Variants in PCDHGA2 observed in about 807,000 individuals in gnomAD.
The protein encoded by PCDHGA2 is protocadherin gamma subfamily A, 2.
In PCDHGA2, 40 loss-of-function variants were observed where a neutral mutation model predicts 59.2. The observed-to-expected ratio is 0.68, with a 90% confidence interval of 0.52 to 0.88. The LOEUF is 0.88. Among genes scored for constraint, PCDHGA2 ranks in the 40% least tolerant of loss-of-function variants. The pLI is 0.00. For missense variants in PCDHGA2, 1,226 were observed against 1,204.0 expected, an observed-to-expected ratio of 1.02 and a Z score of -0.27; for synonymous variants, 560 against 526.0, an observed-to-expected ratio of 1.06 and a Z score of -0.89.
chr5:141,423,374 G>T (rs1356564295), intron 1 of PCDHGA2: 2 of 1,614,188 alleles, frequency 1.2e-6, no homozygotes, highest in Admixed American at 1.7e-5. Context: ...CTGGCACTCA[G>T]GCTGTGGCGC....
intron 1 of PCDHGA2, chr5:141,394,727 C>G (rs971156422): frequency 8.7e-6 from 14 of 1,613,436 alleles, no homozygotes; most frequent in Middle Eastern, 1.6e-4. Flanking sequence ...GAGATGCGCT[C>G]AAGCAGAGCC....
chr5:141,381,114 C>T (rs1776995401), intron 1 of PCDHGA2, among the ~76,000 whole-genome samples: 1 of 152,152 alleles, frequency 6.6e-6, no homozygotes, highest in Non-Finnish European at 1.5e-5. Context: ...CAAAGTGTTC[C>T]CTGTATTCTG....
At chr5:141,499,189 C>T (rs1406015145) in intron 2 of PCDHGA2, among the ~76,000 whole-genome samples, 3 of 152,088 alleles carry the variant, frequency 2.0e-5, no homozygotes, top group African/African-American at 7.2e-5. Flanking sequence ...AAACCATTTC[C>T]CCCTTCTTAG....
intron 1 of PCDHGA2, chr5:141,398,283 G>A (rs1470207042): frequency 7.2e-7 from 1 of 1,396,846 alleles, no homozygotes; most frequent in East Asian, 2.5e-5. Context: ...ACCTCGCCAC[G>A]GACCTGGGGT....
intron 2 of PCDHGA2, among the ~76,000 whole-genome samples, chr5:141,497,016 C>G (rs1384415729): frequency 6.6e-6 from 1 of 152,056 alleles, no homozygotes; most frequent in East Asian, 1.9e-4. Context: ...TGGTGAAACC[C>G]CATCTCGATT....
chr5:141,399,488 TAGTC>T (rs778579612), intron 1 of PCDHGA2: 12 of 1,613,904 alleles, frequency 7.4e-6, no homozygotes, highest in Admixed American at 1.7e-5. Flanking sequence ...GCGTCCTACT[TAGTC>T]AGTGTACCCG....
chr5:141,361,157 A>C, intron 1 of PCDHGA2: 1 of 1,613,974 alleles, frequency 6.2e-7, no homozygotes, highest in African/African-American at 1.3e-5. Context: ...CTTGATGACA[A>C]CGATTGTGCA....
At chr5:141,394,158 C>T in intron 1 of PCDHGA2, 1 of 1,613,844 alleles carries the variant, frequency 6.2e-7, no homozygotes, top group East Asian at 2.2e-5. Flanking sequence ...TAACGACAAC[C>T]CTCCTACTTT....
chr5:141,345,719 C>T, intron 1 of PCDHGA2: 1 of 1,614,258 alleles, frequency 6.2e-7, no homozygotes, highest in South Asian at 1.1e-5. Flanking sequence ...CGCCCGAGAT[C>T]CTGTACCCCG....
At chr5:141,366,561 A>T in intron 1 of PCDHGA2, 1 of 1,614,210 alleles carries the variant, frequency 6.2e-7, no homozygotes, top group South Asian at 1.1e-5. Context: ...GTGGGCGTGG[A>T]TGGGGTTCGG....
intron 1 of PCDHGA2, chr5:141,400,383 T>C (rs1267422491): frequency 6.2e-7 from 1 of 1,614,088 alleles, no homozygotes. Flanking sequence ...ACCTATGTGT[T>C]GCACATACAG....
chr5:141,477,878 C>T lies in PCDHGA2; in HGVS notation c.2425-16929C>T. On this transcript the variant is annotated intron_variant, in intron 1 of 3. Coordinates refer to ENST00000394576, the MANE Select transcript of PCDHGA2 (RefSeq NM_018915.4). The surrounding 1 kb of genome is among the most constrained non-coding windows in gnomAD (Gnocchi z 4.9). ...GCTGCCTCGAGGTACCTCAGCTGGC[C>T]ACCTAGTGTCACGGGTGGTAGGCTG... 2.5e-6 allele frequency: 4 copies of T among 1,614,158 alleles called. No individual in the cohort carries two copies. Among genetic ancestry groups the T allele is most frequent in the Non-Finnish European group, 3.4e-6 (4 of 1,180,008 alleles).
At chr5:141,405,448 C>G in intron 1 of PCDHGA2, 1 of 1,314,742 alleles carries the variant, frequency 7.6e-7, no homozygotes, top group Non-Finnish European at 1.1e-6. Context: ...GAGACAGAGT[C>G]TTACTCTGTT....
In PCDHGA2 at chr5:141,477,070, T is replaced by A; in HGVS notation, c.2425-17737T>A. 6.2e-7 allele frequency: 1 copy of A among 1,613,342 alleles called. No individual in the cohort carries two copies. The highest frequency in any genetic ancestry group is 8.5e-7 in the Non-Finnish European group (1 of 1,179,244). ...TGGACTTCGAGGACACCAAACTCCATGAGATTTACATCCAGGCCAAAGACA... is the reference window on the plus strand; with the variant it reads ...TGGACTTCGAGGACACCAAACTCCAAGAGATTTACATCCAGGCCAAAGACA... On this transcript the variant is annotated intron_variant, in intron 1 of 3. Coordinates refer to ENST00000394576, the MANE Select transcript of PCDHGA2 (RefSeq NM_018915.4). The surrounding 1 kb of genome is among the most constrained non-coding windows in gnomAD (Gnocchi z 4.9).
chr5:141,428,731 A>G (rs1290064919), intron 1 of PCDHGA2: 1 of 159,494 alleles, frequency 6.3e-6, no homozygotes, highest in Non-Finnish European at 1.4e-5. Context: ...TCTTAAACAT[A>G]TTATATCTAC....
intron 1 of PCDHGA2, chr5:141,372,736 T>C (rs1303541912): frequency 1.9e-6 from 3 of 1,613,276 alleles, no homozygotes; most frequent in African/African-American, 2.7e-5. Context: ...CAAGATCTTC[T>C]ATGTGATGAA....
At chr5:141,366,054 T>C in intron 1 of PCDHGA2, 2 of 1,614,220 alleles carry the variant, frequency 1.2e-6, no homozygotes, top group Non-Finnish European at 1.7e-6. Flanking sequence ...TCCACGGGCG[T>C]GGAGCTGGCG....
chr5:141,448,421 A>G (rs1380029405), intron 1 of PCDHGA2, among the ~76,000 whole-genome samples: 1 of 152,132 alleles, frequency 6.6e-6, no homozygotes, highest in Non-Finnish European at 1.5e-5. Flanking sequence ...ACAATATACT[A>G]TGTATATATT....
intron 1 of PCDHGA2, among the ~76,000 whole-genome samples, chr5:141,455,959 G>T (rs112864392): frequency 0.11 from 16,680 of 150,504 alleles, 1,459 homozygotes; most frequent in African/African-American, 0.24. Context: ...GTGCAGTGGC[G>T]CGATCTCAGC....
Sources: allele counts gnomAD v4.1 joint callset (sites outside exome capture counted in the v4.1 genomes callset), GRCh38; gene constraint gnomAD v4.1.1; non-coding constraint Gnocchi (gnomAD v3.1); transcripts MANE v1.5; gene names NCBI Gene and HGNC (gene_info 2026-07-23, HGNC 2026-07-21).